CFAP77: variants seen among roughly 807,000 people sequenced by gnomAD.
CFAP77 encodes the protein cilia- and flagella-associated protein 77.
CFAP77 carries 25 observed loss-of-function variants against 31.1 expected under a neutral mutation model. The ratio of observed to expected loss-of-function variants is 0.80; its 90% confidence interval spans 0.59 to 1.12. The LOEUF is 1.12. CFAP77 is among the 50% of genes most tolerant of loss of function. The pLI, the probability that CFAP77 is intolerant of heterozygous loss-of-function variation, is 0.00. For missense variants in CFAP77, 377 were observed against 397.3 expected (o/e 0.95, Z 0.44); for synonymous variants, 151 against 159.9 (o/e 0.94, Z 0.42).
Position 132,497,258 on chromosome 9 carries a change from C to T in CFAP77, c.196-1437C>T, listed in dbSNP as rs536370370. Among the ~76,000 whole-genome samples, 4 of 152,206 alleles carry T rather than the reference C, an allele frequency of 2.6e-5. No homozygotes were observed. The highest frequency in any genetic ancestry group is 1.9e-4 in the East Asian group (1 of 5,176). On this transcript the variant is annotated intron_variant, in intron 1 of 5. Coordinates refer to ENST00000393216, the MANE Select transcript of CFAP77 (RefSeq NM_001282957.2). This position sits in a 1 kb window ranked among gnomAD's most constrained non-coding sequence, Gnocchi z 4.9. Reference sequence around the variant, plus strand: ...TTATTTCAGAGGCAGTGATGAGCCACGCTGGGTGGTCCTTGACCATCTGTC... The same window carrying T: ...TTATTTCAGAGGCAGTGATGAGCCATGCTGGGTGGTCCTTGACCATCTGTC...
intron 1 of CFAP77, among the ~76,000 whole-genome samples, chr9:132,486,018 A>ATATATGTATG (rs1851537209): frequency 2.7e-5 from 1 of 37,560 alleles, no homozygotes; most frequent in Admixed American, 2.7e-4. Flanking sequence ...ATATATATAT[A>ATATATGTATG]TATATATATA....
Position 132,449,944 on chromosome 9 carries a change from G to A in CFAP77, c.195+39478G>A, listed in dbSNP as rs559286256. Among the ~76,000 whole-genome samples the A allele has an allele frequency of 6.6e-5, 10 of 152,002 alleles. No individual in the cohort carries two copies. The East Asian group carries it at 1.7e-3, about 26-fold the overall frequency. On this transcript the variant is annotated intron_variant, in intron 1 of 5. Coordinates refer to ENST00000393216, the MANE Select transcript of CFAP77 (RefSeq NM_001282957.2). ...TTTGTTTGTTTTGAGATGGAGTCTC[G>A]CTCTGTCGCCCAGGCTGGAGTGCAG...
rs1852161500 is a variant in CFAP77, at chr9:132,517,062, C to T, written c.524+17462C>T. On this transcript the variant is annotated intron_variant, in intron 3 of 5. Transcript: ENST00000393216. This position sits in a 1 kb window ranked among gnomAD's most constrained non-coding sequence, Gnocchi z 4.7. ...GAGGGCGGTCTTCAGAAACCCCATC[C>T]GGCAGGTGGAGAGGGTGGATCTCCC... Among the ~76,000 whole-genome samples the T allele has an allele frequency of 6.6e-6, 1 of 152,134 alleles. No homozygotes were observed.
chr9:132,447,689 G>A (rs1012502618), intron 1 of CFAP77, among the ~76,000 whole-genome samples: 5 of 152,206 alleles, frequency 3.3e-5, no homozygotes, highest in East Asian at 1.9e-4. Context: ...TGCTGACAGC[G>A]GCAAACGCGG....
At chr9:132,437,532 C>T (rs1214651995) in intron 1 of CFAP77, among the ~76,000 whole-genome samples, 1 of 109,776 alleles carries the variant, frequency 9.1e-6, no homozygotes, top group Non-Finnish European at 1.7e-5. Context: ...TTTTTTGAGA[C>T]GGACTCTCAC....
chr9:132,572,921 G>A lies in CFAP77; in HGVS notation c.*411G>A, dbSNP rs72767846. On this transcript the variant is annotated 3_prime_UTR_variant, in exon 6 of 6. Transcript: ENST00000393216. ...TTGCTGCAGAAAGCATGACAGTGAC[G>A]TGCTTTGAAAGCCCTCATTTTCTAT... is the stretch of plus-strand genomic sequence containing the variant. 1,805 of 183,162 alleles carry A rather than the reference G, an allele frequency of 9.9e-3. 21 individuals carry two copies. Among genetic ancestry groups the A allele is most frequent in the Non-Finnish European group, 0.016 (1,390 of 88,726 alleles). The allele number at this position is 183,162 out of a possible 1,614,324, so 11.3% of individuals were successfully genotyped here. A position where few individuals can be genotyped will look rare whatever the true frequency, so the allele number is the denominator to read the frequency against.
Position 132,554,389 on chromosome 9 carries a change from C to A in CFAP77, c.732+11342C>A, listed in dbSNP as rs1299056174. Among the ~76,000 whole-genome samples the A allele has an allele frequency of 6.6e-6, 1 of 151,998 alleles. No individual in the cohort carries two copies. The highest frequency in any genetic ancestry group is 2.4e-5 in the African/African-American group (1 of 41,372). ...TGAGACAGGCTCTCACTCTGTCACC[C>A]AGGCTGGAGCACAGTGGCACAATCA... On this transcript the variant is annotated intron_variant, in intron 5 of 5. Transcript: ENST00000393216. The surrounding 1 kb of genome is among the most constrained non-coding windows in gnomAD (Gnocchi z 4.1).
At chr9:132,509,429 G>A (rs568470613) in intron 3 of CFAP77, among the ~76,000 whole-genome samples, 38 of 152,214 alleles carry the variant, frequency 2.5e-4, no homozygotes, top group Non-Finnish European at 4.4e-4. Flanking sequence ...AGGCCTGCCT[G>A]CTTCCATGGA....
In CFAP77 at chr9:132,550,386, G is replaced by A. The variant is rs188150726; in HGVS notation, c.732+7339G>A. 1.6e-3 allele frequency among the ~76,000 whole-genome samples: 249 copies of A among 152,294 alleles called. 1 individual carries two copies. Among genetic ancestry groups the A allele is most frequent in the Non-Finnish European group, 2.8e-3 (192 of 68,014 alleles). ...TGAATTTTGGGAGTTGATGGAATTT[G>A]GGGGGTCCCCAATTTCTTCTTCCGA... On this transcript the variant is annotated intron_variant, in intron 5 of 5. Coordinates refer to ENST00000393216, the MANE Select transcript of CFAP77 (RefSeq NM_001282957.2).
rs1851450878 is a variant in CFAP77, at chr9:132,481,877, A to T, written c.196-16818A>T. Among the ~76,000 whole-genome samples, 1 of 150,438 alleles carries T rather than the reference A, an allele frequency of 6.6e-6. No homozygotes were observed. On this transcript the variant is annotated intron_variant, in intron 1 of 5. Transcript: ENST00000393216. The surrounding 1 kb of genome is among the most constrained non-coding windows in gnomAD (Gnocchi z 5.0). ...GGAAATAAAACTTACAATCAATAAGATATTATGAAATATACATCAAAACAA... is the reference window on the plus strand; with the variant it reads ...GGAAATAAAACTTACAATCAATAAGTTATTATGAAATATACATCAAAACAA...
rs1852042557 is a variant in CFAP77, at chr9:132,511,693, T to C, written c.524+12093T>C. 6.6e-6 allele frequency among the ~76,000 whole-genome samples: 1 copy of C among 152,228 alleles called. No homozygotes were observed. Among genetic ancestry groups the C allele is most frequent in the African/African-American group, 2.4e-5 (1 of 41,464 alleles). ...ACTGAGCTTCAGCTACAGGAGCTGT[T>C]GAAAATCATCGTTTGTTAATTTCCT... On this transcript the variant is annotated intron_variant, in intron 3 of 5. Coordinates refer to ENST00000393216, the MANE Select transcript of CFAP77 (RefSeq NM_001282957.2). This position sits in a 1 kb window ranked among gnomAD's most constrained non-coding sequence, Gnocchi z 5.8.
chr9:132,561,640 CA>C (rs1829809238), intron 5 of CFAP77, among the ~76,000 whole-genome samples: 3 of 120,310 alleles, frequency 2.5e-5, no homozygotes, highest in African/African-American at 9.0e-5. Context: ...CACACACACA[CA>C]CACACACACA....
chr9:132,458,930 A>T (rs1850977624), intron 1 of CFAP77, among the ~76,000 whole-genome samples: 3 of 152,212 alleles, frequency 2.0e-5, no homozygotes, highest in African/African-American at 7.2e-5. Flanking sequence ...CTCCAAGTAC[A>T]CTCAGGGGTG....
At chr9:132,464,928 G>A (rs1484774238) in intron 1 of CFAP77, among the ~76,000 whole-genome samples, 4 of 151,906 alleles carry the variant, frequency 2.6e-5, no homozygotes, top group African/African-American at 9.7e-5. Context: ...AAAATTAACC[G>A]GGTGTGCTGG....
At chr9:132,478,575 G>T (rs532101312) in intron 1 of CFAP77, among the ~76,000 whole-genome samples, 2 of 152,298 alleles carry the variant, frequency 1.3e-5, no homozygotes, top group South Asian at 4.1e-4. Flanking sequence ...TCGGCGTGAG[G>T]TGTCCTATTT....
chr9:132,517,860 G>A lies in CFAP77; in HGVS notation c.524+18260G>A, dbSNP rs986831874. Among the ~76,000 whole-genome samples, 1 of 152,224 alleles carries A rather than the reference G, an allele frequency of 6.6e-6. No homozygotes were observed. Among genetic ancestry groups the A allele is most frequent in the Non-Finnish European group, 1.5e-5 (1 of 68,038 alleles). ...ATCGGAGATCAACCCCTGGTCTGGG[G>A]TATCAATCGCGGAGCAGTCAGGATG... On this transcript the variant is annotated intron_variant, in intron 3 of 5. Transcript: ENST00000393216. This position sits in a 1 kb window ranked among gnomAD's most constrained non-coding sequence, Gnocchi z 4.7.
chr9:132,422,775 C>T (rs534703789), intron 1 of CFAP77, among the ~76,000 whole-genome samples: 1 of 152,268 alleles, frequency 6.6e-6, no homozygotes, highest in East Asian at 1.9e-4. Context: ...GCAGCAACCA[C>T]ACCTCCTTCC....
intron 1 of CFAP77, among the ~76,000 whole-genome samples, chr9:132,452,454 A>G (rs1357121240): frequency 6.6e-6 from 1 of 152,220 alleles, no homozygotes. Context: ...TGCAGCCTGA[A>G]GAGGAGGGGG....
At chr9:132,446,591 AT>A (rs1159602932) in intron 1 of CFAP77, among the ~76,000 whole-genome samples, 18 of 151,744 alleles carry the variant, frequency 1.2e-4, no homozygotes, top group African/African-American at 4.4e-4. Context: ...AATACAAAAA[AT>A]TAGCTGGGCG....
Sources: allele counts gnomAD v4.1 joint callset (sites outside exome capture counted in the v4.1 genomes callset), GRCh38; gene constraint gnomAD v4.1.1; non-coding constraint Gnocchi (gnomAD v3.1); transcripts MANE v1.5; gene names NCBI Gene and HGNC (gene_info 2026-07-23, HGNC 2026-07-21).